The following APBB1IP variants were observed in gnomAD, a reference collection of about 807,000 sequenced individuals.
APBB1IP encodes the protein amyloid beta precursor protein binding family B member 1 interacting protein.
In APBB1IP, 27 loss-of-function variants were observed where a neutral mutation model predicts 64.9. That is an observed-to-expected ratio of 0.42 (90% CI 0.31 to 0.57). The LOEUF is 0.57. Among genes scored for constraint, APBB1IP ranks in the 20% least tolerant of loss-of-function variants. The pLI is 0.20. For missense variants in APBB1IP, 812 were observed against 845.5 expected, an observed-to-expected ratio of 0.96 and a Z score of 0.49; for synonymous variants, 392 against 331.0, an observed-to-expected ratio of 1.18 and a Z score of -2.00.
At chr10:26,546,219 A>C (rs951946456) in intron 11 of APBB1IP, among the ~76,000 whole-genome samples, 2 of 152,228 alleles carry the variant, frequency 1.3e-5, no homozygotes, top group African/African-American at 4.8e-5. Flanking sequence ...ATGTCTAGAA[A>C]CATATCAGCA....
At chr10:26,477,489 T>A (rs1238212420) in intron 2 of APBB1IP, among the ~76,000 whole-genome samples, 1 of 152,230 alleles carries the variant, frequency 6.6e-6, no homozygotes, top group Non-Finnish European at 1.5e-5. Flanking sequence ...CCAACCATCT[T>A]TCACCTAGTG....
chr10:26,496,491 A>G (rs1836027085), intron 4 of APBB1IP, 100 bp downstream of exon 4: 1 of 896,048 alleles, frequency 1.1e-6, no homozygotes, highest in African/African-American at 1.7e-5. Context: ...AGGAACCTAA[A>G]CATCATGATA....
rs1308288768 is a variant in APBB1IP at position 26,438,401 on chromosome 10, A to G, written c.-257A>G. 3 of 152,178 alleles carry G rather than the reference A, an allele frequency of 2.0e-5. No homozygotes were observed. Among genetic ancestry groups the G allele is most frequent in the African/African-American group, 7.2e-5 (3 of 41,426 alleles). 9.4% of individuals were successfully genotyped at this position (152,178 alleles called of 1,614,324 possible). ...TTAGTCCCTCTTGCGTCGAGGCTGC[A>G]AAATGGTTCCATTCGCCAGGAGACG... On this transcript the variant is annotated 5_prime_UTR_variant, in exon 1 of 15. Coordinates refer to ENST00000376236, the MANE Select transcript of APBB1IP (RefSeq NM_019043.4).
chr10:26,534,230 G>C (rs1472156288), intron 9 of APBB1IP, among the ~76,000 whole-genome samples: 2 of 150,464 alleles, frequency 1.3e-5, no homozygotes, highest in Non-Finnish European at 3.0e-5. Flanking sequence ...GGAAGCTGAG[G>C]TGGGAGGATC....
At chr10:26,560,020 G>A (rs1218625045) in intron 11 of APBB1IP, 85 bp from the exon 12 acceptor site, 4 of 1,125,158 alleles carry the variant, frequency 3.6e-6, no homozygotes, top group African/African-American at 3.1e-5. Flanking sequence ...TATTGTTAGA[G>A]ATTTTTTTTA....
At position 26,567,284 on chromosome 10, in the gene APBB1IP, C is replaced by T. The variant is rs897667289; in HGVS notation, c.1797C>T (p.Pro599=). 82 of 1,104,108 alleles carry T rather than the reference C, an allele frequency of 7.4e-5. 1 individual carries two copies. In the South Asian group the frequency reaches 2.6e-3, roughly 35 times the overall value. The allele number at this position is 1,104,108 out of a possible 1,614,324, so 68.4% of individuals were successfully genotyped here. A position where few individuals can be genotyped will look rare whatever the true frequency, so the allele number is the denominator to read the frequency against. Residue 599 remains proline (P), a synonymous_variant, in exon 15 of 15, where the codon CCC becomes CCT. Transcript: ENST00000376236. ...CAGGGATCGCGGGCTCAGAGCTGCCCCCGCCGCCGCCGCCGCCGCCCGCGC... is the reference window on the plus strand; with the variant it reads ...CAGGGATCGCGGGCTCAGAGCTGCCTCCGCCGCCGCCGCCGCCGCCCGCGC... ...SYAGIAGSEL[P]PPPPPPPAPA...
chr10:26,558,272 A>G (rs1588619456), intron 11 of APBB1IP, among the ~76,000 whole-genome samples: 1 of 152,062 alleles, frequency 6.6e-6, no homozygotes, highest in East Asian at 1.9e-4. Flanking sequence ...CTCAGAACCT[A>G]TGTTTGGTTG....
chr10:26,546,702 T>A (rs563700348), intron 11 of APBB1IP, among the ~76,000 whole-genome samples: 5 of 152,218 alleles, frequency 3.3e-5, no homozygotes, highest in Admixed American at 3.3e-4. Flanking sequence ...TAGTAACCAC[T>A]ATTCTACTCT....
intron 2 of APBB1IP, among the ~76,000 whole-genome samples, chr10:26,453,362 A>G (rs113789407): frequency 2.0e-5 from 3 of 152,200 alleles, no homozygotes; most frequent in African/African-American, 7.2e-5. Context: ...TGTGCTGGGC[A>G]TGGACTGTGG....
At chr10:26,553,839 C>T (rs941490511) in intron 11 of APBB1IP, among the ~76,000 whole-genome samples, 1 of 152,166 alleles carries the variant, frequency 6.6e-6, no homozygotes, top group Non-Finnish European at 1.5e-5. Context: ...GTCCTCATGG[C>T]ATCTTTTGCA....
chr10:26,472,762 C>T (rs180872491), intron 2 of APBB1IP, among the ~76,000 whole-genome samples: 2 of 152,212 alleles, frequency 1.3e-5, no homozygotes, highest in Admixed American at 1.3e-4. Flanking sequence ...TATAGTGAAA[C>T]CCCGTCTCTA....
At chr10:26,462,397 C>A (rs1564351355) in intron 2 of APBB1IP, among the ~76,000 whole-genome samples, 2 of 152,154 alleles carry the variant, frequency 1.3e-5, no homozygotes, top group Non-Finnish European at 2.9e-5. Flanking sequence ...TAACCTCTAT[C>A]AAGTTAAGGA....
At chr10:26,456,366 A>G (rs1835525486) in intron 2 of APBB1IP, among the ~76,000 whole-genome samples, 1 of 152,162 alleles carries the variant, frequency 6.6e-6, no homozygotes, top group Non-Finnish European at 1.5e-5. Flanking sequence ...TAGCAGTGAT[A>G]GCAGCGGAGT....
intron 8 of APBB1IP, among the ~76,000 whole-genome samples, chr10:26,518,173 T>G (rs916604706): frequency 2.0e-5 from 3 of 151,494 alleles, no homozygotes; most frequent in Non-Finnish European, 2.9e-5. Context: ...CAGACTGGTC[T>G]TGAGCTCCAC....
chr10:26,547,664 C>T (rs1157297788), intron 11 of APBB1IP, among the ~76,000 whole-genome samples: 6 of 152,036 alleles, frequency 3.9e-5, no homozygotes, highest in African/African-American at 9.7e-5. Flanking sequence ...AGGCTGGTCT[C>T]GAACCCCTGA....
intron 11 of APBB1IP, among the ~76,000 whole-genome samples, chr10:26,558,049 C>A (rs1414752765): frequency 1.3e-5 from 2 of 151,796 alleles, no homozygotes; most frequent in Non-Finnish European, 2.9e-5. Flanking sequence ...TCAGCACCAC[C>A]AGCAAATGAG....
At chr10:26,535,490 T>G (rs1457959740) in intron 9 of APBB1IP, among the ~76,000 whole-genome samples, 2 of 152,214 alleles carry the variant, frequency 1.3e-5, no homozygotes, top group Non-Finnish European at 2.9e-5. Context: ...TATTTTTAAA[T>G]GTACGATTAA....
chr10:26,460,440 C>T (rs985265479), intron 2 of APBB1IP, among the ~76,000 whole-genome samples: 1 of 152,176 alleles, frequency 6.6e-6, no homozygotes, highest in African/African-American at 2.4e-5. Flanking sequence ...GGAGAAATCT[C>T]TTTCCCCTTT....
At chr10:26,440,037 G>C (rs1050973261) in intron 2 of APBB1IP, among the ~76,000 whole-genome samples, 2 of 152,170 alleles carry the variant, frequency 1.3e-5, no homozygotes, top group African/African-American at 2.4e-5. Context: ...TCTGCTCAAC[G>C]TGTGTTGTGA....
Sources: allele counts gnomAD v4.1 joint callset (sites outside exome capture counted in the v4.1 genomes callset), GRCh38; gene constraint gnomAD v4.1.1; transcripts MANE v1.5; gene names NCBI Gene and HGNC (gene_info 2026-07-23, HGNC 2026-07-21).